ELP1: variants seen among roughly 807,000 people sequenced by gnomAD.
The protein encoded by ELP1 is elongator acetyltransferase complex subunit 1.
A neutral mutation model predicts 183.2 loss-of-function variants in ELP1; 131 were observed. That is an observed-to-expected ratio of 0.72 (90% CI 0.62 to 0.83). The LOEUF (loss-of-function observed/expected upper bound fraction) is 0.83, where lower values mean the gene tolerates loss of function less well. ELP1 is among the 40% of genes least tolerant of loss of function. The pLI is 0.00. For synonymous variants in ELP1, 555 were observed against 569.0 expected (o/e 0.98, Z 0.35); for missense variants, 1,550 against 1,594.9 (o/e 0.97, Z 0.48).
intron 31 of ELP1, among the ~76,000 whole-genome samples, chr9:108,881,453 C>A (rs1057413337): frequency 5.3e-5 from 8 of 152,170 alleles, no homozygotes; most frequent in Non-Finnish European, 1.2e-4. Context: ...TTCAAGTTTA[C>A]TATTTCCAAA....
At chr9:108,903,086 T>A (rs1186500086) in intron 15 of ELP1, 144 bp from the exon 16 acceptor site, 2 of 481,172 alleles carry the variant, frequency 4.2e-6, no homozygotes, top group Non-Finnish European at 3.6e-6. Flanking sequence ...TATATATATA[T>A]TTTTATTATA....
At chr9:108,905,366 C>A (rs545844221) in intron 14 of ELP1, among the ~76,000 whole-genome samples, 1 of 152,208 alleles carries the variant, frequency 6.6e-6, no homozygotes, top group Non-Finnish European at 1.5e-5. Context: ...TGGGAACTGG[C>A]TAGAAAATGC....
chr9:108,931,791 T>C (rs1830011162), intron 1 of ELP1, among the ~76,000 whole-genome samples: 1 of 152,220 alleles, frequency 6.6e-6, no homozygotes, highest in Admixed American at 6.5e-5. Flanking sequence ...TACTTCAAAA[T>C]GATGACCAAC....
At chr9:108,878,372 A>G (rs548836647) in intron 34 of ELP1, among the ~76,000 whole-genome samples, 4 of 152,340 alleles carry the variant, frequency 2.6e-5, no homozygotes, top group East Asian at 3.9e-4. Context: ...GTGTCCCACA[A>G]TTCTTTATCC....
chr9:108,913,118 G>A (rs1829295533), intron 10 of ELP1, among the ~76,000 whole-genome samples: 1 of 152,050 alleles, frequency 6.6e-6, no homozygotes, highest in Non-Finnish European at 1.5e-5. Flanking sequence ...AGGCTACCAG[G>A]AAAAAGCATT....
At chr9:108,914,422 G>GGGGGC (rs1554700058) in intron 10 of ELP1, among the ~76,000 whole-genome samples, 2 of 137,138 alleles carry the variant, frequency 1.5e-5, no homozygotes, top group East Asian at 2.4e-4. Flanking sequence ...AAGGGGGGGG[G>GGGGGC]GGTTCTACTG....
chr9:108,875,373 T>A (rs2118926671), intron 35 of ELP1, among the ~76,000 whole-genome samples: 1 of 152,300 alleles, frequency 6.6e-6, no homozygotes, highest in African/African-American at 2.4e-5. Context: ...AATACAAACA[T>A]GTGCATACTA....
intron 35 of ELP1, chr9:108,875,515 A>G (rs952779796): frequency 1.1e-5 from 3 of 264,850 alleles, no homozygotes; most frequent in Admixed American, 5.1e-5. Flanking sequence ...TCTCAAGAGC[A>G]ATGCCATGAG....
In ELP1 at chr9:108,906,375, G is replaced by T. The variant is rs1207551249; in HGVS notation, c.1571C>A (p.Pro524His). 6.2e-7 allele frequency: 1 copy of T among 1,614,060 alleles called. No homozygotes were observed. The highest frequency in any genetic ancestry group is 1.1e-5 in the South Asian group (1 of 91,076). Residue 524 changes from proline (P) to histidine (H), a missense_variant, in exon 14 of 37, where the codon CCC (proline) becomes CAC (histidine). Physicochemically the swap from Pro to His is moderately conservative, Grantham distance 77. Transcript: ENST00000374647. ...FLAVSHSEFSPRSVIHHLTAA... is the reference protein window; with the variant it reads ...FLAVSHSEFSHRSVIHHLTAA... ...AGTCAAATGGTGAATGACAGACCGG[G>T]GGCTGAACTCACTGTGGCTTACAGC...
Position 108,933,935 on chromosome 9 carries a change from G to C in ELP1, c.-127C>G, listed in dbSNP as rs946914633. The C allele has an allele frequency of 3.8e-5, 6 of 157,856 alleles. No homozygotes were observed. Among genetic ancestry groups the C allele is most frequent in the Admixed American group, 3.3e-4 (5 of 15,316 alleles). 9.8% of individuals were successfully genotyped at this position (157,856 alleles called of 1,614,324 possible). On this transcript the variant is annotated 5_prime_UTR_variant, in exon 1 of 37. Transcript: ENST00000374647. ...ACGCGCAGCCGGCTACCCAGAGTCAGCTCCCACAGTCCGCACCCAGAGTCG... is the reference window on the plus strand; with the variant it reads ...ACGCGCAGCCGGCTACCCAGAGTCACCTCCCACAGTCCGCACCCAGAGTCG...
At chr9:108,888,624 G>A (rs1298871928) in intron 29 of ELP1, among the ~76,000 whole-genome samples, 1 of 152,020 alleles carries the variant, frequency 6.6e-6, no homozygotes, top group Admixed American at 6.6e-5. Context: ...TTCTCTCCAG[G>A]ATCTAATTAT....
At chr9:108,917,485 A>T (rs75853482) in intron 9 of ELP1, 62 bp downstream of exon 9, 5 of 1,489,672 alleles carry the variant, frequency 3.4e-6, no homozygotes, top group African/African-American at 2.9e-5. Context: ...AAAAAAAAAA[A>T]TTCCCTCTAT....
chr9:108,892,833 C>T (rs1828395489), intron 27 of ELP1, among the ~76,000 whole-genome samples, 153 bp downstream of exon 27: 1 of 152,102 alleles, frequency 6.6e-6, no homozygotes, highest in African/African-American at 2.4e-5. Context: ...CAGGTCAGGA[C>T]CATTCTCCCA....
At chr9:108,889,264 C>T in intron 29 of ELP1, 68 bp downstream of exon 29, 1 of 1,350,810 alleles carries the variant, frequency 7.4e-7, no homozygotes, top group Non-Finnish European at 1.1e-6. Context: ...CTTTCATGAT[C>T]ACTAAGATAC....
intron 6 of ELP1, among the ~76,000 whole-genome samples, chr9:108,921,342 A>C (rs1457243360): frequency 6.6e-6 from 1 of 152,044 alleles, no homozygotes; most frequent in African/African-American, 2.4e-5. Context: ...CACTTCATAC[A>C]AATGGGATCA....
rs753589018 is a variant in ELP1, at chr9:108,929,901, C to T, written c.171G>A (p.Leu57=). 2 of 1,613,770 alleles carry T rather than the reference C, an allele frequency of 1.2e-6. No homozygotes were observed. The highest frequency in any genetic ancestry group is 1.1e-5 in the South Asian group (1 of 91,058). ...VSREVKNEVS[L]VAEGFLPEDG... is the part of the protein sequence containing the mutation. ...CCTCTGGGAGAAAGCCTTCTGCCAC[C>T]AAAGAAACTTCATTTTTCACCTTTC... Residue 57 remains leucine (L), a synonymous_variant, in exon 3 of 37, where the codon TTG becomes TTA. Transcript: ENST00000374647.
At chr9:108,896,135 T>C (rs542483885) in intron 25 of ELP1, among the ~76,000 whole-genome samples, 1 of 152,212 alleles carries the variant, frequency 6.6e-6, no homozygotes, top group South Asian at 2.1e-4. Flanking sequence ...TGGGCACCTG[T>C]AGTCCCAGCT....
At chr9:108,909,183 T>C (rs773041852) in intron 12 of ELP1, among the ~76,000 whole-genome samples, 46 of 152,028 alleles carry the variant, frequency 3.0e-4, no homozygotes, top group Middle Eastern at 3.2e-3. Context: ...TGTAAACCCT[T>C]ATCCTTAAGC....
intron 15 of ELP1, among the ~76,000 whole-genome samples, chr9:108,903,326 GT>G (rs779335064): frequency 9.9e-5 from 15 of 151,994 alleles, no homozygotes; most frequent in Non-Finnish European, 2.1e-4. Flanking sequence ...AACATGCGGT[GT>G]TTGGTTTTTT....
Sources: allele counts gnomAD v4.1 joint callset (sites outside exome capture counted in the v4.1 genomes callset), GRCh38; gene constraint gnomAD v4.1.1; transcripts MANE v1.5; gene names NCBI Gene and HGNC (gene_info 2026-07-23, HGNC 2026-07-21).